Variants in PDE10A observed in about 807,000 individuals in gnomAD.
PDE10A encodes phosphodiesterase 10A.
PDE10A carries 39 observed loss-of-function variants against 97.7 expected under a neutral mutation model. The ratio of observed to expected loss-of-function variants is 0.40; its 90% CI spans 0.31 to 0.52. The LOEUF is 0.52. PDE10A is among the 20% of genes least tolerant of loss of function. The pLI, the probability that PDE10A is intolerant of heterozygous loss-of-function variation, is 0.56. For synonymous variants in PDE10A, 371 were observed against 376.8 expected (o/e 0.98, Z 0.18); for missense variants, 731 against 1,047.8 (o/e 0.70, Z 4.17).
chr6:165,830,130 T>C (rs1428559708), intron 1 of PDE10A, among the ~76,000 whole-genome samples: 11 of 152,164 alleles, frequency 7.2e-5, no homozygotes, highest in Admixed American at 7.2e-4. Flanking sequence ...AAAAATGCTG[T>C]TTCAAGGTTG....
intron 2 of PDE10A, among the ~76,000 whole-genome samples, chr6:165,501,108 C>A (rs62443781): frequency 0.11 from 16,868 of 152,062 alleles, 1,017 homozygotes; most frequent in South Asian, 0.18. Context: ...CGGCTCGGGT[C>A]CTCCACATGC....
At chr6:165,761,572 G>A (rs1793251966) in intron 1 of PDE10A, among the ~76,000 whole-genome samples, 1 of 152,110 alleles carries the variant, frequency 6.6e-6, no homozygotes, top group African/African-American at 2.4e-5. Flanking sequence ...TCAACGTGAA[G>A]TTAAGACATC....
At chr6:165,576,517 T>C in intron 1 of PDE10A, 1 of 769,540 alleles carries the variant, frequency 1.3e-6, no homozygotes, top group Non-Finnish European at 2.4e-6. Context: ...TGTGGATGAC[T>C]TCTATATCTA....
intron 1 of PDE10A, chr6:165,910,912 C>T (rs1782436764): frequency 6.6e-6 from 1 of 152,152 alleles, no homozygotes; most frequent in Admixed American, 6.5e-5. Flanking sequence ...TACGATGGGA[C>T]TGGTCAGCAC....
chr6:165,961,316 G>A (rs1350933805), intron 1 of PDE10A, among the ~76,000 whole-genome samples: 1 of 152,184 alleles, frequency 6.6e-6, no homozygotes, highest in Admixed American at 6.5e-5. Flanking sequence ...GCAACTTCAA[G>A]CAAGTCGTTA....
At chr6:165,822,012 A>G (rs528927067) in intron 1 of PDE10A, among the ~76,000 whole-genome samples, 61 of 152,216 alleles carry the variant, frequency 4.0e-4, no homozygotes, top group Non-Finnish European at 7.1e-4. Context: ...CAGAAAGGGC[A>G]ACTTGAAGAC....
At chr6:165,433,542 T>G (rs932779267) in intron 6 of PDE10A, among the ~76,000 whole-genome samples, 1 of 152,180 alleles carries the variant, frequency 6.6e-6, no homozygotes, top group Non-Finnish European at 1.5e-5. Flanking sequence ...TTTATAAACT[T>G]TTTTTCTATT....
intron 10 of PDE10A, among the ~76,000 whole-genome samples, chr6:165,428,000 T>C (rs1205246148): frequency 6.6e-6 from 1 of 152,056 alleles, no homozygotes; most frequent in Non-Finnish European, 1.5e-5. Context: ...TTTTACTATG[T>C]TAAATAAAAA....
At chr6:165,745,858 G>T (rs1416307139) in intron 1 of PDE10A, among the ~76,000 whole-genome samples, 5 of 152,212 alleles carry the variant, frequency 3.3e-5, no homozygotes, top group Non-Finnish European at 7.3e-5. Flanking sequence ...GAGAGGCAGG[G>T]TTACTCCTGG....
chr6:165,729,274 G>GA (rs1382867955), intron 1 of PDE10A, among the ~76,000 whole-genome samples: 2 of 151,674 alleles, frequency 1.3e-5, no homozygotes, highest in Non-Finnish European at 2.9e-5. Context: ...TTTTCAAATG[G>GA]AAAAATCCCC....
At chr6:165,411,086 C>CA (rs71026688) in intron 13 of PDE10A, among the ~76,000 whole-genome samples, 530 of 42,870 alleles carry the variant, frequency 0.012, 10 homozygotes, top group East Asian at 0.044. Flanking sequence ...GACTCCGCCT[C>CA]AAAAAAAAAA....
At chr6:165,585,168 G>A (rs1385253719) in intron 1 of PDE10A, among the ~76,000 whole-genome samples, 1 of 152,164 alleles carries the variant, frequency 6.6e-6, no homozygotes, top group Admixed American at 6.5e-5. Context: ...CCTCTTCTGG[G>A]GAAAGGGTTA....
intron 10 of PDE10A, among the ~76,000 whole-genome samples, chr6:165,423,528 T>G (rs910072082): frequency 6.6e-6 from 1 of 152,078 alleles, no homozygotes; most frequent in Admixed American, 6.5e-5. Flanking sequence ...ATCAACCTAT[T>G]GAGAAGCACT....
intron 3 of PDE10A, among the ~76,000 whole-genome samples, chr6:165,481,498 A>T (rs1779605609): frequency 6.6e-6 from 1 of 152,128 alleles, no homozygotes; most frequent in African/African-American, 2.4e-5. Flanking sequence ...TGCATATGTG[A>T]TTCTATTAAG....
intron 1 of PDE10A, among the ~76,000 whole-genome samples, chr6:165,606,347 A>T (rs891037045): frequency 1.5e-4 from 23 of 152,110 alleles, no homozygotes; most frequent in Admixed American, 1.5e-3. Context: ...GAAAACACAC[A>T]GGATTTGTTT....
chr6:165,747,023 C>T (rs1299215125), intron 1 of PDE10A, among the ~76,000 whole-genome samples: 1 of 151,974 alleles, frequency 6.6e-6, no homozygotes, highest in African/African-American at 2.4e-5. Context: ...ATACATCTTG[C>T]TTTAGATGTT....
intron 19 of PDE10A, among the ~76,000 whole-genome samples, chr6:165,341,318 G>A (rs76965156): frequency 0.019 from 2,835 of 152,182 alleles, 35 homozygotes; most frequent in Non-Finnish European, 0.03. Flanking sequence ...ATTACATATT[G>A]GTCACATTTT....
chr6:165,501,230 G>A (rs977686802), intron 2 of PDE10A, among the ~76,000 whole-genome samples: 26 of 152,074 alleles, frequency 1.7e-4, no homozygotes, highest in Non-Finnish European at 1.5e-4. Context: ...GGTGTGGAGG[G>A]GCAGGCCACC....
At chr6:165,333,606 G>T (rs901771480) in intron 21 of PDE10A, among the ~76,000 whole-genome samples, 1 of 152,168 alleles carries the variant, frequency 6.6e-6, no homozygotes, top group Non-Finnish European at 1.5e-5. Flanking sequence ...TGAACAGTGT[G>T]TCGTATGTAC....
Sources: allele counts gnomAD v4.1 joint callset (sites outside exome capture counted in the v4.1 genomes callset), GRCh38; gene constraint gnomAD v4.1.1; transcripts MANE v1.5; gene names NCBI Gene and HGNC (gene_info 2026-07-23, HGNC 2026-07-21).